KHDRBS2: variants seen among roughly 807,000 people sequenced by gnomAD.
The protein encoded by KHDRBS2 is KH domain-containing, RNA-binding, signal transduction-associated protein 2.
A neutral mutation model predicts 44.3 loss-of-function variants in KHDRBS2; 26 were observed. The observed-to-expected ratio is 0.59, with a 90% CI of 0.43 to 0.81. The LOEUF (loss-of-function observed/expected upper bound fraction) is 0.81, where lower values mean the gene tolerates loss of function less well. KHDRBS2 is among the 40% of genes least tolerant of loss of function. The pLI is 0.00. For synonymous variants in KHDRBS2, 194 were observed against 151.1 expected, an observed-to-expected ratio of 1.28 and a Z score of -2.08; for missense variants, 476 against 433.1, an observed-to-expected ratio of 1.10 and a Z score of -0.88.
chr6:62,231,547 G>C (rs528952673), intron 1 of KHDRBS2, among the ~76,000 whole-genome samples: 1 of 152,112 alleles, frequency 6.6e-6, no homozygotes, highest in East Asian at 1.9e-4. Context: ...GATTTGGGTG[G>C]GGACACACAA....
the KHDRBS2 span, among the ~76,000 whole-genome samples, chr6:61,607,766 C>A: frequency 6.6e-6 from 1 of 152,130 alleles, no homozygotes; most frequent in Admixed American, 6.5e-5. Context: ...TGGCTCACTG[C>A]AACCTCCACC....
At chr6:62,130,067 T>C (rs1372281931) in intron 2 of KHDRBS2, among the ~76,000 whole-genome samples, 1 of 152,206 alleles carries the variant, frequency 6.6e-6, no homozygotes, top group African/African-American at 2.4e-5. Flanking sequence ...ATGGTTATCA[T>C]TTTTAATTCC....
chr6:61,593,318 G>A, the KHDRBS2 span, among the ~76,000 whole-genome samples: 9 of 152,118 alleles, frequency 5.9e-5, no homozygotes, highest in Non-Finnish European at 1.2e-4. Flanking sequence ...TAAGTCAGAA[G>A]GGTAGGAGAA....
At chr6:62,037,962 T>G (rs1448463724) in intron 3 of KHDRBS2, among the ~76,000 whole-genome samples, 1 of 152,082 alleles carries the variant, frequency 6.6e-6, no homozygotes, top group Admixed American at 6.6e-5. Flanking sequence ...TGGGTGTTAG[T>G]GATTTCTAAT....
intron 6 of KHDRBS2, among the ~76,000 whole-genome samples, chr6:61,796,423 A>G (rs952812526): frequency 6.6e-6 from 1 of 152,046 alleles, no homozygotes; most frequent in Non-Finnish European, 1.5e-5. Context: ...TTATTCAAAA[A>G]TATTAACAGA....
downstream of KHDRBS2, among the ~76,000 whole-genome samples, chr6:61,676,593 G>A (rs1357348895): frequency 2.0e-5 from 3 of 151,840 alleles, no homozygotes; most frequent in Non-Finnish European, 4.4e-5. Context: ...GCCTTCCTGT[G>A]AAAGCAATTG....
At chr6:61,953,865 C>T (rs189476167) in intron 4 of KHDRBS2, among the ~76,000 whole-genome samples, 141 of 152,140 alleles carry the variant, frequency 9.3e-4, no homozygotes, top group African/African-American at 3.3e-3. Context: ...GGCAAATAAA[C>T]CTAAACAAGA....
the KHDRBS2 span, among the ~76,000 whole-genome samples, chr6:61,661,940 G>A: frequency 5.9e-4 from 89 of 151,610 alleles, no homozygotes; most frequent in African/African-American, 2.1e-3. Flanking sequence ...GCATCGCCAA[G>A]CCAATCCTAA....
intron 4 of KHDRBS2, among the ~76,000 whole-genome samples, chr6:61,909,172 TTCTCCCACCCTGG>T (rs1458912296): frequency 6.6e-6 from 1 of 151,752 alleles, no homozygotes; most frequent in African/African-American, 2.4e-5. Context: ...GCTCAAGAGA[TTCTCCCACCCTGG>T]TCTCCTGAGT....
rs115406569 is a variant in KHDRBS2 at position 62,132,857 on chromosome 6, C to A, written c.219+44328G>T. ...AGCCCAGAAATCATATATCATAATACAGATCCAAATAGTTTTAAATCAGAT... is the reference window on the plus strand; with the variant it reads ...AGCCCAGAAATCATATATCATAATAAAGATCCAAATAGTTTTAAATCAGAT... On this transcript the variant is annotated intron_variant, in intron 2 of 8. Coordinates refer to ENST00000281156, the MANE Select transcript of KHDRBS2 (RefSeq NM_152688.4). 3.8e-3 allele frequency among the ~76,000 whole-genome samples: 581 copies of A among 152,254 alleles called. 2 individuals carry two copies. The highest frequency in any genetic ancestry group is 0.014 in the African/African-American group (562 of 41,536).
At chr6:61,582,461 G>A in the KHDRBS2 span, among the ~76,000 whole-genome samples, 43 of 151,838 alleles carry the variant, frequency 2.8e-4, no homozygotes, top group Non-Finnish European at 5.5e-4. Flanking sequence ...CTATTAAGCA[G>A]ATGACTAAAA....
chr6:61,751,453 G>A (rs1255957080), intron 6 of KHDRBS2, among the ~76,000 whole-genome samples: 3 of 152,168 alleles, frequency 2.0e-5, no homozygotes, highest in Non-Finnish European at 4.4e-5. Context: ...TATTGCAGGA[G>A]TGCACTTTAC....
At chr6:61,550,725 T>TA in the KHDRBS2 span, among the ~76,000 whole-genome samples, 1 of 151,798 alleles carries the variant, frequency 6.6e-6, no homozygotes. Context: ...ATTTTTTTTT[T>TA]ACTTCTTAAT....
intron 3 of KHDRBS2, among the ~76,000 whole-genome samples, chr6:62,004,891 A>C (rs1778936622): frequency 6.6e-6 from 1 of 152,132 alleles, no homozygotes; most frequent in African/African-American, 2.4e-5. Flanking sequence ...TCCATCACAT[A>C]AACAGAACCA....
Position 61,954,758 on chromosome 6 carries a change from A to AC in KHDRBS2, c.483+23307_483+23308insG, listed in dbSNP as rs1562512550. Among the ~76,000 whole-genome samples, 163 of 105,954 alleles carry AC rather than the reference A, an allele frequency of 1.5e-3. 8 individuals carry two copies. Among genetic ancestry groups the AC allele is most frequent in the Admixed American group, 2.2e-3 (23 of 10,484 alleles). The allele number at this position is 105,954 out of a possible 152,430, so 69.5% of individuals were successfully genotyped here. ...TACATATGTGTATATACACATGCAT[A>AC]TGTATGTATACATACATATGTGTAT... On this transcript the variant is annotated intron_variant, in intron 4 of 8. Transcript: ENST00000281156.
intron 4 of KHDRBS2, among the ~76,000 whole-genome samples, chr6:61,970,329 GACT>G (rs1771083229): frequency 6.6e-6 from 1 of 151,766 alleles, no homozygotes; most frequent in Non-Finnish European, 1.5e-5. Context: ...CATATTTTCA[GACT>G]CTTTCAAATG....
At chr6:61,572,269 G>A in the KHDRBS2 span, among the ~76,000 whole-genome samples, 1 of 152,060 alleles carries the variant, frequency 6.6e-6, no homozygotes, top group Admixed American at 6.6e-5. Context: ...ATTAAATAAG[G>A]AAGAAATAAA....
intron 5 of KHDRBS2, among the ~76,000 whole-genome samples, chr6:61,896,429 G>C (rs1329674677): frequency 2.6e-5 from 4 of 151,778 alleles, no homozygotes; most frequent in Admixed American, 6.6e-5. Flanking sequence ...TAAATTTATA[G>C]TACTTCCTTC....
At chr6:62,170,079 ACTGTCTTACTT>A (rs1467577193) in intron 2 of KHDRBS2, among the ~76,000 whole-genome samples, 1 of 151,816 alleles carries the variant, frequency 6.6e-6, no homozygotes, top group East Asian at 2.0e-4. Flanking sequence ...CTTTTAGCCC[ACTGTCTTACTT>A]CTGTCCAAAA....
Sources: allele counts gnomAD v4.1 joint callset (sites outside exome capture counted in the v4.1 genomes callset), GRCh38; gene constraint gnomAD v4.1.1; transcripts MANE v1.5; gene names NCBI Gene and HGNC (gene_info 2026-07-23, HGNC 2026-07-21).